Variants in ARMC3 observed in about 807,000 individuals in gnomAD.
ARMC3 encodes the protein armadillo repeat containing 3.
Under a neutral mutation model 90.3 loss-of-function variants are expected in ARMC3, and 74 were observed. That is an observed-to-expected ratio of 0.82 (90% confidence interval 0.68 to 0.99). ARMC3 has a LOEUF of 0.99. Ranked by LOEUF, ARMC3 falls within the 50% of genes least tolerant of loss-of-function variation. The probability of loss-of-function intolerance (pLI) is 0.00; values close to 1 mark genes in which losing one functional copy is unlikely to be tolerated. For synonymous variants in ARMC3, 334 were observed against 361.8 expected, an observed-to-expected ratio of 0.92 and a Z score of 0.87; for missense variants, 958 against 1,042.8, an observed-to-expected ratio of 0.92 and a Z score of 1.12.
chr10:22,993,234 G>C (rs1371886481), intron 10 of ARMC3, among the ~76,000 whole-genome samples: 1 of 152,146 alleles, frequency 6.6e-6, no homozygotes. Flanking sequence ...GGTACCAAAT[G>C]GTGTCAACTG....
At chr10:23,033,213 G>A (rs1411381723) in intron 18 of ARMC3, among the ~76,000 whole-genome samples, 190 bp downstream of exon 18, 2 of 151,828 alleles carry the variant, frequency 1.3e-5, no homozygotes, top group African/African-American at 4.8e-5. Flanking sequence ...ATATAAACAT[G>A]CATATACACA....
chr10:22,980,825 A>G (rs1475892769), intron 8 of ARMC3, among the ~76,000 whole-genome samples: 1 of 152,228 alleles, frequency 6.6e-6, no homozygotes, highest in African/African-American at 2.4e-5. Context: ...ATATAAGACT[A>G]TAAATTTCTT....
At chr10:22,990,739 C>T (rs1361659420) in intron 10 of ARMC3, among the ~76,000 whole-genome samples, 1 of 152,164 alleles carries the variant, frequency 6.6e-6, no homozygotes. Context: ...CAACTTTTCT[C>T]TCATTCTTTC....
intron 10 of ARMC3, among the ~76,000 whole-genome samples, chr10:22,989,060 C>T (rs1047236201): frequency 3.9e-5 from 6 of 152,140 alleles, no homozygotes; most frequent in Admixed American, 3.9e-4. Flanking sequence ...TTCATACTGA[C>T]CCCTAGTGGC....
At chr10:22,975,769 T>C (rs1256851615) in intron 8 of ARMC3, among the ~76,000 whole-genome samples, 1 of 152,224 alleles carries the variant, frequency 6.6e-6, no homozygotes, top group Non-Finnish European at 1.5e-5. Flanking sequence ...TCCAGAGTCA[T>C]GATTTTTTCC....
In ARMC3 at chr10:22,959,672, T is replaced by G. The variant is rs1434366908; in HGVS notation, c.537+98T>G. The G allele has an allele frequency of 2.5e-6, 3 of 1,198,480 alleles. No homozygotes were observed. In the East Asian group the frequency reaches 7.7e-5, roughly 31 times the overall value. The allele number at this position is 1,198,480 out of a possible 1,614,324, so 74.2% of individuals were successfully genotyped here. A position where few individuals can be genotyped will look rare whatever the true frequency, so the allele number is the denominator to read the frequency against. On this transcript the variant is annotated intron_variant, in intron 6 of 18. Transcript: ENST00000298032. ...AAAGCTTTTAAAAATGCACCAGTTT[T>G]GCATCATCAGATCTTCTTGTTACTG...
intron 6 of ARMC3, 178 bp downstream of exon 6, chr10:22,959,752 A>G (rs1024539654): frequency 1.3e-5 from 9 of 684,506 alleles, no homozygotes; most frequent in East Asian, 5.7e-5. Flanking sequence ...TAATCTTTCA[A>G]TTTTCACATT....
intron 10 of ARMC3, 141 bp downstream of exon 10, chr10:22,981,841 T>G (rs1836205821): frequency 1.4e-6 from 1 of 708,372 alleles, no homozygotes; most frequent in East Asian, 2.7e-5. Flanking sequence ...TCAGAATCCC[T>G]TATGAAACAG....
Position 23,017,237 on chromosome 10 carries a change from G to C in ARMC3, c.2045+8306G>C, listed in dbSNP as rs528007057. 8.4e-4 allele frequency among the ~76,000 whole-genome samples: 128 copies of C among 152,196 alleles called. 1 individual carries two copies. The highest frequency in any genetic ancestry group is 2.9e-3 in the African/African-American group (120 of 41,534). On this transcript the variant is annotated intron_variant, in intron 16 of 18. Coordinates refer to ENST00000298032, the MANE Select transcript of ARMC3 (RefSeq NM_173081.5). The stretch of plus-strand genomic sequence containing the variant: ...CTGCAGCAAATATAATATTTAATTA[G>C]AAAGTATAAAACTTTTTGTACTTGT...
intron 7 of ARMC3, 84 bp downstream of exon 7, chr10:22,962,162 G>T: frequency 3.0e-6 from 3 of 988,918 alleles, no homozygotes; most frequent in Non-Finnish European, 2.8e-6. Context: ...TATACTTAAC[G>T]TGTATTAAGT....
At chr10:23,004,280 A>G (rs966301235) in intron 13 of ARMC3, among the ~76,000 whole-genome samples, 2 of 152,210 alleles carry the variant, frequency 1.3e-5, no homozygotes, top group East Asian at 3.8e-4. Context: ...TGGAAACCAA[A>G]AGCAATGAGG....
At chr10:22,957,595 A>G (rs1564351820) in intron 4 of ARMC3, among the ~76,000 whole-genome samples, 1 of 152,196 alleles carries the variant, frequency 6.6e-6, no homozygotes, top group Non-Finnish European at 1.5e-5. Context: ...GGGGCCAGGC[A>G]CTGTGCTAAG....
Position 22,946,270 on chromosome 10 carries a change from T to C in ARMC3, c.166+9T>C, listed in dbSNP as rs371887647. On this transcript the variant is annotated intron_variant, in intron 3 of 18. Transcript: ENST00000298032. ...TAAATTTGCTTTAAAAGGTTTGGAT[T>C]TTTTTCAGTTTATCTTTCTGTTTCA... 5.6e-5 allele frequency: 86 copies of C among 1,535,716 alleles called. No individual in the cohort carries two copies. Among genetic ancestry groups the C allele is most frequent in the Non-Finnish European group, 6.6e-5 (73 of 1,114,410 alleles).
At chr10:22,999,413 A>C (rs534723970) in intron 11 of ARMC3, among the ~76,000 whole-genome samples, 14 of 152,306 alleles carry the variant, frequency 9.2e-5, no homozygotes, top group Middle Eastern at 3.4e-3. Flanking sequence ...TAAAAGAATA[A>C]AAATACAACT....
rs750992443 is a variant in ARMC3, at chr10:23,006,944, C to A, written c.1792C>A (p.Leu598Ile). 6.2e-6 allele frequency: 10 copies of A among 1,613,632 alleles called. No homozygotes were observed. The highest frequency in any genetic ancestry group is 8.5e-6 in the Non-Finnish European group (10 of 1,179,826). ...KELCLQEPSD[L>I]RAVLLINSKS... ...GCTCTGCTTACAAGAACCAAGTGAC[C>A]TACGGGCTGTACTCTTAATCAACAG... The change falls in exon 14 of 19, where the codon CTA becomes ATA. Residue 598 changes from leucine (L) to isoleucine (I), a missense_variant. Transcript: ENST00000298032.
At chr10:23,024,760 GA>G (rs777331333) in intron 16 of ARMC3, among the ~76,000 whole-genome samples, 1 of 152,138 alleles carries the variant, frequency 6.6e-6, no homozygotes, top group African/African-American at 2.4e-5. Flanking sequence ...AAGAAGGCAA[GA>G]AAAGAAGAGC....
chr10:22,974,789 C>T (rs1341783927), intron 8 of ARMC3, among the ~76,000 whole-genome samples: 1 of 151,952 alleles, frequency 6.6e-6, no homozygotes, highest in Non-Finnish European at 1.5e-5. Context: ...ATTATAGGTG[C>T]GTGCCATCAT....
intron 18 of ARMC3, among the ~76,000 whole-genome samples, chr10:23,034,754 G>A (rs1588947337): frequency 2.0e-5 from 3 of 152,090 alleles, no homozygotes; most frequent in African/African-American, 7.2e-5. Flanking sequence ...ACACCTCCAG[G>A]TCTCTCTTAA....
intron 16 of ARMC3, chr10:23,014,413 C>G (rs1040699022): frequency 1.7e-6 from 2 of 1,160,996 alleles, no homozygotes; most frequent in Admixed American, 7.7e-5. Context: ...TTTGGTCAAC[C>G]CTTCTTGTCT....
Sources: allele counts gnomAD v4.1 joint callset (sites outside exome capture counted in the v4.1 genomes callset), GRCh38; gene constraint gnomAD v4.1.1; transcripts MANE v1.5; gene names NCBI Gene and HGNC (gene_info 2026-07-23, HGNC 2026-07-21).